The following RALGAPA2 variants were observed in gnomAD, a reference collection of about 807,000 sequenced individuals.
RALGAPA2 encodes the protein ral GTPase-activating protein subunit alpha-2.
A neutral mutation model predicts 230.4 loss-of-function variants in RALGAPA2; 139 were observed. The observed-to-expected ratio is 0.60, with a 90% CI of 0.53 to 0.69. RALGAPA2 has a LOEUF of 0.69. Ranked by LOEUF, RALGAPA2 falls within the 30% of genes least tolerant of loss-of-function variation. The pLI, the probability that RALGAPA2 is intolerant of heterozygous loss-of-function variation, is 0.00. For synonymous variants in RALGAPA2, 847 were observed against 837.8 expected, an observed-to-expected ratio of 1.01 and a Z score of -0.19; for missense variants, 2,163 against 2,276.0, an observed-to-expected ratio of 0.95 and a Z score of 1.01.
intron 36 of RALGAPA2, among the ~76,000 whole-genome samples, chr20:20,486,406 C>T (rs187662210): frequency 6.6e-6 from 1 of 152,186 alleles, no homozygotes; most frequent in Admixed American, 6.5e-5. Context: ...CCTTTCAACA[C>T]AATAAATATA....
intron 38 of RALGAPA2, among the ~76,000 whole-genome samples, chr20:20,405,163 T>C (rs937387945): frequency 6.6e-6 from 1 of 152,224 alleles, no homozygotes; most frequent in Non-Finnish European, 1.5e-5. Flanking sequence ...TCTCCTCAAG[T>C]TGACAAGGCA....
intron 37 of RALGAPA2, among the ~76,000 whole-genome samples, chr20:20,448,127 G>A (rs979979986): frequency 1.3e-5 from 2 of 152,120 alleles, no homozygotes; most frequent in Non-Finnish European, 2.9e-5. Context: ...AGTAAAAATT[G>A]TTTTTGAAAA....
Position 20,583,100 on chromosome 20 carries a change from T to A in RALGAPA2, c.2657A>T (p.Asp886Val), listed in dbSNP as rs2065034194. Residue 886 changes from aspartate (D) to valine (V), a missense_variant, in exon 20 of 40, where the codon GAT (aspartate) becomes GTT (valine). Physicochemically the swap from Asp to Val is radical, Grantham distance 152. Coordinates refer to ENST00000202677, the MANE Select transcript of RALGAPA2 (RefSeq NM_020343.4). ...ACTCAGTTGTAACCAATGACGGGCA[T>A]CAGCATCAGCCACAACATCTGTGGG... ...NTPTDVVADA[D>V]ARHWLQLSPT... 6.2e-7 allele frequency: 1 copy of A among 1,613,700 alleles called. No homozygotes were observed. Among genetic ancestry groups the A allele is most frequent in the Non-Finnish European group, 8.5e-7 (1 of 1,179,724 alleles).
chr20:20,539,043 T>C (rs2063570601), intron 24 of RALGAPA2, among the ~76,000 whole-genome samples: 2 of 152,236 alleles, frequency 1.3e-5, no homozygotes, highest in Admixed American at 6.5e-5. Flanking sequence ...TTTCATTGTA[T>C]ATAATAATCC....
At chr20:20,540,499 T>A (rs2063615136) in intron 24 of RALGAPA2, among the ~76,000 whole-genome samples, 1 of 152,194 alleles carries the variant, frequency 6.6e-6, no homozygotes, top group Non-Finnish European at 1.5e-5. Context: ...TCTCTTTTAC[T>A]GTAGTTTCAA....
chr20:20,446,358 C>A (rs2060862244), intron 37 of RALGAPA2, among the ~76,000 whole-genome samples: 1 of 152,130 alleles, frequency 6.6e-6, no homozygotes, highest in African/African-American at 2.4e-5. Context: ...GATTATCAAT[C>A]TTTTGTTTTG....
chr20:20,618,339 T>C (rs933535846), intron 12 of RALGAPA2, among the ~76,000 whole-genome samples: 4 of 152,224 alleles, frequency 2.6e-5, no homozygotes, highest in African/African-American at 9.6e-5. Flanking sequence ...GTCATACTTA[T>C]GAGCAGCACC....
At chr20:20,656,835 A>G (rs974620384) in intron 3 of RALGAPA2, among the ~76,000 whole-genome samples, 1 of 152,176 alleles carries the variant, frequency 6.6e-6, no homozygotes, top group Admixed American at 6.5e-5. Flanking sequence ...CAAGAAATGC[A>G]AAGACTCTGG....
chr20:20,646,432 T>C (rs1428112189), intron 4 of RALGAPA2, among the ~76,000 whole-genome samples: 3 of 152,238 alleles, frequency 2.0e-5, no homozygotes, highest in Non-Finnish European at 4.4e-5. Flanking sequence ...ATATATGTCA[T>C]GCCTGTTTGG....
intron 13 of RALGAPA2, among the ~76,000 whole-genome samples, chr20:20,612,776 G>C (rs1453788908): frequency 6.6e-6 from 1 of 152,204 alleles, no homozygotes; most frequent in East Asian, 1.9e-4. Context: ...CTGGGGGACA[G>C]CTTGTCGCTC....
intron 3 of RALGAPA2, among the ~76,000 whole-genome samples, chr20:20,655,346 C>A (rs1256960388): frequency 1.3e-5 from 2 of 151,446 alleles, no homozygotes; most frequent in African/African-American, 4.9e-5. Flanking sequence ...AAAAAAAAAA[C>A]CTTGACAGAC....
At chr20:20,567,013 C>A (rs1393696323) in intron 23 of RALGAPA2, among the ~76,000 whole-genome samples, 1 of 152,104 alleles carries the variant, frequency 6.6e-6, no homozygotes, top group Non-Finnish European at 1.5e-5. Flanking sequence ...ATATTTGCAA[C>A]AATAATTTTA....
chr20:20,591,026 G>T (rs972816551), intron 17 of RALGAPA2, 151 bp downstream of exon 17: 3 of 918,698 alleles, frequency 3.3e-6, no homozygotes, highest in Non-Finnish European at 3.0e-6. Context: ...ATATTTCATT[G>T]CCATAAATCA....
At chr20:20,482,074 C>T (rs2061790110) in intron 36 of RALGAPA2, among the ~76,000 whole-genome samples, 1 of 152,140 alleles carries the variant, frequency 6.6e-6, no homozygotes, top group South Asian at 2.1e-4. Flanking sequence ...TAAATACATT[C>T]TCTAAAATAC....
In RALGAPA2 at chr20:20,568,482, T is replaced by C. The variant is rs142681596; in HGVS notation, c.3156+2976A>G. ...CAAATGGTCATGTCTGTTTACATAA[T>C]AAATTTGCTATCATATTAGATGAAA... On this transcript the variant is annotated intron_variant, in intron 23 of 39. Transcript: ENST00000202677. Among the ~76,000 whole-genome samples the C allele has an allele frequency of 2.6e-4, 39 of 152,358 alleles. 1 individual carries two copies. In the East Asian group the frequency reaches 6.6e-3, roughly 26 times the overall value.
chr20:20,660,711 A>G (rs1250314148), intron 3 of RALGAPA2, among the ~76,000 whole-genome samples: 1 of 152,206 alleles, frequency 6.6e-6, no homozygotes, highest in African/African-American at 2.4e-5. Flanking sequence ...ACGATCATGC[A>G]TAAAATACTT....
rs145811814 is a variant in RALGAPA2 at position 20,436,677 on chromosome 20, C to T, written c.5496-24529G>A. Among the ~76,000 whole-genome samples, 127 of 152,342 alleles carry T rather than the reference C, an allele frequency of 8.3e-4. 1 individual carries two copies. Among genetic ancestry groups the T allele is most frequent in the African/African-American group, 2.8e-3 (115 of 41,590 alleles). On this transcript the variant is annotated intron_variant, in intron 37 of 39. Coordinates refer to ENST00000202677, the MANE Select transcript of RALGAPA2 (RefSeq NM_020343.4). ...GGCTTCAATGTGTTGACACTGTCGTCTCTGCTGCCATAAGGTTGGAGGCCG... is the reference window on the plus strand; with the variant it reads ...GGCTTCAATGTGTTGACACTGTCGTTTCTGCTGCCATAAGGTTGGAGGCCG...
At chr20:20,549,406 A>G (rs1220833757) in intron 23 of RALGAPA2, among the ~76,000 whole-genome samples, 1 of 152,168 alleles carries the variant, frequency 6.6e-6, no homozygotes, top group Admixed American at 6.5e-5. Context: ...TATGAGCAAG[A>G]AGGTTGGAAA....
At chr20:20,603,382 G>A (rs551441878) in intron 15 of RALGAPA2, among the ~76,000 whole-genome samples, 1 of 152,238 alleles carries the variant, frequency 6.6e-6, no homozygotes, top group African/African-American at 2.4e-5. Context: ...TTTATTATAC[G>A]TGTATATGGT....
Sources: allele counts gnomAD v4.1 joint callset (sites outside exome capture counted in the v4.1 genomes callset), GRCh38; gene constraint gnomAD v4.1.1; transcripts MANE v1.5; gene names NCBI Gene and HGNC (gene_info 2026-07-23, HGNC 2026-07-21).